Variants in RIF1 observed in about 807,000 individuals in gnomAD.
The protein encoded by RIF1 is telomere-associated protein RIF1.
RIF1 carries 45 observed loss-of-function variants against 247.1 expected under a neutral mutation model. That is an observed-to-expected ratio of 0.18 (90% CI 0.14 to 0.23). The LOEUF (loss-of-function observed/expected upper bound fraction) is 0.23, where lower values mean the gene tolerates loss of function less well. Among genes scored for constraint, RIF1 ranks in the 10% least tolerant of loss-of-function variants. The pLI is 1.00. For synonymous variants in RIF1, 1,087 were observed against 978.8 expected (o/e 1.11, Z -2.06); for missense variants, 2,967 against 2,862.5 (o/e 1.04, Z -0.83).
At chr2:151,494,598 G>A (rs1194895504) in intron 9 of RIF1, among the ~76,000 whole-genome samples, 2 of 152,138 alleles carry the variant, frequency 1.3e-5, no homozygotes, top group East Asian at 3.8e-4. Flanking sequence ...ATCACACTGA[G>A]AAGGTTGAGG....
downstream of RIF1, among the ~76,000 whole-genome samples, chr2:151,512,495 G>A (rs1220666539): frequency 6.6e-6 from 1 of 151,932 alleles, no homozygotes; most frequent in Non-Finnish European, 1.5e-5. Flanking sequence ...GCCAATTTTT[G>A]TAGGGACAGG....
At chr2:151,448,939 T>C (rs1693784930) in intron 20 of RIF1, among the ~76,000 whole-genome samples, 1 of 152,206 alleles carries the variant, frequency 6.6e-6, no homozygotes, top group Non-Finnish European at 1.5e-5. Context: ...TTGGAGTCTG[T>C]CAAATTTCAC....
At chr2:151,416,974 T>G in intron 6 of RIF1, 73 bp downstream of exon 6, 5 of 1,168,058 alleles carry the variant, frequency 4.3e-6, no homozygotes, top group Non-Finnish European at 6.2e-6. Context: ...GTTTTTGGGA[T>G]TTAAATGAGA....
the RIF1 span, chr2:151,516,405 T>G: frequency 8.0e-7 from 1 of 1,249,316 alleles, no homozygotes; most frequent in South Asian, 1.3e-5. Context: ...GGGCAGAGCT[T>G]GTGTTCAGTA....
intron 30 of RIF1, 117 bp downstream of exon 30, chr2:151,466,237 A>G (rs1009506047): frequency 1.5e-6 from 1 of 649,546 alleles, no homozygotes. Context: ...TCATTTGATT[A>G]TTTACCATAA....
Position 151,500,143 on chromosome 2 carries a change from T to TAACAACA in RIF1, c.*709+607_*709+608insACAAACA, listed in dbSNP as rs140864353. ...GAGTATAACATTCCAAAAGACATAT[T>TAACAACA]AACATTGAAAATTTAACAAAATTGA... is the stretch of plus-strand genomic sequence containing the variant. On this transcript the variant is annotated intron_variant and NMD_transcript_variant, in intron 11 of 13. Coordinates refer to the RIF1 transcript ENST00000454583. Among the ~76,000 whole-genome samples, 265 of 152,192 alleles carry TAACAACA rather than the reference T, an allele frequency of 1.7e-3. 1 individual carries two copies. Among genetic ancestry groups the TAACAACA allele is most frequent in the Middle Eastern group, 6.8e-3 (2 of 294 alleles).
chr2:151,509,951 A>G (rs1172565683), downstream of RIF1, among the ~76,000 whole-genome samples: 1 of 152,230 alleles, frequency 6.6e-6, no homozygotes, highest in African/African-American at 2.4e-5. Context: ...GAAGGCCTGG[A>G]AATTATCACC....
chr2:151,464,029 A>C lies in RIF1; in HGVS notation c.4509A>C (p.Lys1503Asn). The change falls in exon 30 of 36, where the codon AAA (lysine) becomes AAC (asparagine). Residue 1503 changes from lysine (K) to asparagine (N), a missense_variant. Transcript: ENST00000444746. ...CTAATGCAGAAACTGAACAAAATAA[A>C]AAAAAGGCAGACCCTGAGAACATTA... is the stretch of plus-strand genomic sequence containing the variant. ...TSANAETEQN[K>N]KKADPENIKS... is the part of the protein sequence containing the mutation. The C allele has an allele frequency of 6.2e-7, 1 of 1,610,072 alleles. No individual in the cohort carries two copies. The highest frequency in any genetic ancestry group is 8.5e-7 in the Non-Finnish European group (1 of 1,179,162).
chr2:151,436,855 A>C lies in RIF1; in HGVS notation c.1224A>C (p.Gly408=), dbSNP rs188700598. Residue 408 remains glycine (G), a synonymous_variant, in exon 12 of 36, where the codon GGA becomes GGC. Coordinates refer to ENST00000444746, the MANE Select transcript of RIF1 (RefSeq NM_018151.5). ...KGASSPYGAP[G]TPRMNLSSNL... The stretch of plus-strand genomic sequence containing the variant: ...CTTCCTCCCCGTACGGAGCCCCGGG[A>C]ACTCCCCGAATGAACCTGAGTTCGA... 156 of 1,610,240 alleles carry C rather than the reference A, an allele frequency of 9.7e-5. 2 individuals carry two copies. In the Admixed American group the frequency reaches 2.0e-3, roughly 20 times the overall value.
chr2:151,490,459 C>T, intron 9 of RIF1: 8 of 1,607,706 alleles, frequency 5.0e-6, no homozygotes, highest in Non-Finnish European at 6.8e-6. Context: ...TCCTCACCCC[C>T]ACTGATGCTT....
chr2:151,497,634 T>C lies in RIF1; in HGVS notation c.*514-1711T>C, dbSNP rs564643938. 3.8e-6 allele frequency: 6 copies of C among 1,574,940 alleles called. No homozygotes were observed. The highest frequency in any genetic ancestry group is 1.7e-4 in the Middle Eastern group (1 of 6,018). On this transcript the variant is annotated intron_variant and NMD_transcript_variant, in intron 10 of 13. Transcript: ENST00000454583. The stretch of plus-strand genomic sequence containing the variant: ...TTTTCTTGCCAAAGTACCGAGCTAA[T>C]ATTTTCTTGATTGTGTTTGACTCTT...
At chr2:151,504,985 A>C (rs979365772) in intron 12 of RIF1, among the ~76,000 whole-genome samples, 2 of 152,142 alleles carry the variant, frequency 1.3e-5, no homozygotes, top group Admixed American at 1.3e-4. Flanking sequence ...AGGGGAGAAG[A>C]GACTTCACAT....
chr2:151,507,112 T>A, intron 13 of RIF1: 2 of 741,836 alleles, frequency 2.7e-6, no homozygotes, highest in Non-Finnish European at 4.5e-6. Flanking sequence ...CCTGTATCTT[T>A]AAAAAAAAGT....
At chr2:151,526,010 G>C in the RIF1 span, 14 of 1,613,892 alleles carry the variant, frequency 8.7e-6, no homozygotes, top group Non-Finnish European at 8.5e-7. Context: ...CCGGGTCTCT[G>C]GTAGTGTTGT....
chr2:151,432,793 G>C (rs1340265984), intron 9 of RIF1, among the ~76,000 whole-genome samples: 1 of 152,102 alleles, frequency 6.6e-6, no homozygotes, highest in African/African-American at 2.4e-5. Context: ...TAACCAACCT[G>C]AAGTATTCCC....
At chr2:151,431,896 T>C (rs929375604) in intron 9 of RIF1, among the ~76,000 whole-genome samples, 2 of 152,240 alleles carry the variant, frequency 1.3e-5, no homozygotes, top group African/African-American at 2.4e-5. Context: ...TATTTTCTTA[T>C]AGAACTGTTA....
chr2:151,501,279 T>TAA (rs1204548757), intron 11 of RIF1: 1 of 707,312 alleles, frequency 1.4e-6, no homozygotes. Flanking sequence ...TTGATGTGAT[T>TAA]AAAAAAAGAT....
intron 24 of RIF1, 56 bp from the exon 25 acceptor site, chr2:151,458,755 C>T: frequency 3.3e-6 from 3 of 899,562 alleles, no homozygotes; most frequent in South Asian, 1.6e-5. Context: ...AACAGATCAT[C>T]AGTGTTCACC....
chr2:151,494,448 G>A (rs573293100), intron 9 of RIF1, among the ~76,000 whole-genome samples: 1 of 152,210 alleles, frequency 6.6e-6, no homozygotes, highest in South Asian at 2.1e-4. Context: ...ATAGGCACCT[G>A]CCCTGAAACC....
Sources: allele counts gnomAD v4.1 joint callset (sites outside exome capture counted in the v4.1 genomes callset), GRCh38; gene constraint gnomAD v4.1.1; transcripts MANE v1.5; gene names NCBI Gene and HGNC (gene_info 2026-07-23, HGNC 2026-07-21).